The following TNS3 variants were observed in gnomAD, a reference collection of about 807,000 sequenced individuals.
TNS3 encodes tensin-3.
TNS3 carries 45 observed loss-of-function variants against 140.9 expected under a neutral mutation model. The observed-to-expected ratio is 0.32, with a 90% CI of 0.25 to 0.41. TNS3 has a LOEUF of 0.41. Ranked by LOEUF, TNS3 falls within the 10% of genes least tolerant of loss-of-function variation. TNS3 has a pLI of 1.00. For synonymous variants in TNS3, 815 were observed against 788.4 expected (o/e 1.03, Z -0.56); for missense variants, 1,716 against 1,906.7 (o/e 0.90, Z 1.86).
At chr7:47,309,464 A>T (rs1786956753) in intron 20 of TNS3, among the ~76,000 whole-genome samples, 1 of 152,196 alleles carries the variant, frequency 6.6e-6, no homozygotes, top group South Asian at 2.1e-4. Flanking sequence ...ATAGCTCAAC[A>T]AGCCGGAGGT....
chr7:47,304,873 G>A lies in TNS3; in HGVS notation c.2781C>T (p.Ser927=), dbSNP rs1270618664. 7.1e-7 allele frequency: 1 copy of A among 1,408,114 alleles called. No individual in the cohort carries two copies. Among genetic ancestry groups the A allele is most frequent in the Non-Finnish European group, 9.4e-7 (1 of 1,069,474 alleles). The allele number at this position is 1,408,114 out of a possible 1,614,324, so 87.2% of individuals were successfully genotyped here. Residue 927 remains serine, a synonymous_variant, in exon 21 of 31, where the codon TCC becomes TCT. Coordinates refer to ENST00000311160, the MANE Select transcript of TNS3 (RefSeq NM_022748.12). ...TPSFQQAFAS[S]CTISSNGPGQ... ...CAGGGCCGTTGCTGGAAATGGTGCA[G>A]GAAGAAGCAAAAGCCTGCTGAAAGG...
chr7:47,393,477 T>G (rs1006171551), intron 16 of TNS3, among the ~76,000 whole-genome samples: 2 of 152,054 alleles, frequency 1.3e-5, no homozygotes, highest in African/African-American at 4.8e-5. Context: ...AGATCCAGTT[T>G]TGGGAGAGGA....
intron 1 of TNS3, among the ~76,000 whole-genome samples, chr7:47,564,653 A>AAAAAAAAAAAAAAAAAAAAAAC (rs1800391129): frequency 7.3e-6 from 1 of 136,222 alleles, no homozygotes; most frequent in Admixed American, 7.4e-5. Flanking sequence ...AAAAAAACAA[A>AAAAAAAAAAAAAAAAAAAAAAC]AAAAAACAAA....
intron 11 of TNS3, 91 bp downstream of exon 11, chr7:47,415,002 GA>G: frequency 1.1e-6 from 1 of 945,082 alleles, no homozygotes; most frequent in Admixed American, 2.5e-5. Context: ...CTCTCGGAAG[GA>G]AAGCCGAGGC....
Position 47,567,975 on chromosome 7 carries a change from G to A in TNS3, c.-265+14076C>T, listed in dbSNP as rs546202657. ...AAACAAGAGGCTCGGGCATCCGGCT[G>A]ATTCTCCAGCCCAATGTGACATGCT... On this transcript the variant is annotated intron_variant, in intron 1 of 30. Coordinates refer to ENST00000311160, the MANE Select transcript of TNS3 (RefSeq NM_022748.12). Among the ~76,000 whole-genome samples, 4 of 152,264 alleles carry A rather than the reference G, an allele frequency of 2.6e-5. No individual in the cohort carries two copies. The South Asian group carries it at 8.3e-4, about 32-fold the overall frequency.
At chr7:47,414,975 G>C in intron 11 of TNS3, 119 bp downstream of exon 11, 6 of 711,466 alleles carry the variant, frequency 8.4e-6, no homozygotes, top group Non-Finnish European at 1.4e-5. Flanking sequence ...GGGAGGCAGA[G>C]GAGCAGATCC....
rs1794764997 is a variant in TNS3, at chr7:47,428,386, A to G, written c.325-10T>C. 7.1e-7 allele frequency: 1 copy of G among 1,408,940 alleles called. No homozygotes were observed. The highest frequency in any genetic ancestry group is 9.3e-7 in the Non-Finnish European group (1 of 1,073,886). The allele number at this position is 1,408,940 out of a possible 1,614,324, so 87.3% of individuals were successfully genotyped here. ...TGCGTCCTTTCCCGCCCTGCAGGAG[A>G]CAAAAGATCAGCTGATTTTCTCTGA... On this transcript the variant is annotated splice_polypyrimidine_tract_variant and intron_variant, in intron 8 of 30. Coordinates refer to ENST00000311160, the MANE Select transcript of TNS3 (RefSeq NM_022748.12).
chr7:47,508,548 G>C (rs988321480), intron 2 of TNS3, among the ~76,000 whole-genome samples: 4 of 152,228 alleles, frequency 2.6e-5, no homozygotes, highest in African/African-American at 9.6e-5. Context: ...GGCTGAGTGA[G>C]AGTCAGGCAA....
intron 1 of TNS3, among the ~76,000 whole-genome samples, chr7:47,543,601 C>T (rs973970869): frequency 6.6e-6 from 1 of 152,220 alleles, no homozygotes; most frequent in Non-Finnish European, 1.5e-5. Flanking sequence ...GTTACCCACT[C>T]GGGTGGAAGC....
At chr7:47,484,086 C>T (rs1797525828) in intron 3 of TNS3, among the ~76,000 whole-genome samples, 1 of 152,250 alleles carries the variant, frequency 6.6e-6, no homozygotes, top group Non-Finnish European at 1.5e-5. Flanking sequence ...TCCACATTCG[C>T]ATCCTACTGA....
chr7:47,398,776 C>T (rs1792980105), intron 15 of TNS3, among the ~76,000 whole-genome samples: 1 of 152,126 alleles, frequency 6.6e-6, no homozygotes, highest in Non-Finnish European at 1.5e-5. Flanking sequence ...ACAAGGATGC[C>T]TACCTTCACC....
chr7:47,529,866 T>C (rs1252220000), intron 1 of TNS3, among the ~76,000 whole-genome samples: 1 of 152,246 alleles, frequency 6.6e-6, no homozygotes, highest in Non-Finnish European at 1.5e-5. Context: ...GACCGTGTAT[T>C]CTATCAGTAC....
At chr7:47,322,556 A>T (rs1265153543) in intron 20 of TNS3, among the ~76,000 whole-genome samples, 1 of 151,868 alleles carries the variant, frequency 6.6e-6, no homozygotes, top group Non-Finnish European at 1.5e-5. Flanking sequence ...ACACACACAC[A>T]ATCAAAAAAA....
chr7:47,303,187 C>T lies in TNS3; in HGVS notation c.3220G>A (p.Ala1074Thr), dbSNP rs202060822. The T allele has an allele frequency of 1.6e-4, 253 of 1,613,550 alleles. 4 individuals are homozygous for T. In the Middle Eastern group the frequency reaches 5.0e-3, roughly 32 times the overall value. The change falls in exon 22 of 31, where the codon GCG becomes ACG. Residue 1074 changes from alanine to threonine, a missense_variant. Ala to Thr is a moderately conservative substitution (Grantham distance 58). Coordinates refer to ENST00000311160, the MANE Select transcript of TNS3 (RefSeq NM_022748.12). The stretch of plus-strand genomic sequence containing the variant: ...CTGTGGTGGCTGCTGTGTCCAGGCG[C>T]CACCGTGAGAAAGTTGTGGGACAGG... ...GFLSHNFLTV[A>T]PGHSSHHSPG...
chr7:47,581,746 C>G (rs1343442755), intron 1 of TNS3: 2 of 151,172 alleles, frequency 1.3e-5, no homozygotes, highest in Non-Finnish European at 2.9e-5. Flanking sequence ...AGCCCCCGCC[C>G]CCCACGCGCC....
chr7:47,566,033 T>C (rs920103115), intron 1 of TNS3, among the ~76,000 whole-genome samples: 9 of 151,898 alleles, frequency 5.9e-5, no homozygotes, highest in Non-Finnish European at 8.8e-5. Context: ...AGTATACATA[T>C]TGGAAAAAAG....
At chr7:47,522,941 G>C (rs1054688123) in intron 2 of TNS3, among the ~76,000 whole-genome samples, 1 of 114,306 alleles carries the variant, frequency 8.7e-6, no homozygotes, top group East Asian at 2.8e-4. Context: ...AAAAAAAAGA[G>C]TTTCTATTGT....
rs1338208831 is a variant in TNS3, at chr7:47,368,808, C to T, written c.1838G>A (p.Ser613Asn). 1.9e-6 allele frequency: 3 copies of T among 1,610,218 alleles called. No homozygotes were observed. Among genetic ancestry groups the T allele is most frequent in the Non-Finnish European group, 1.7e-6 (2 of 1,178,686 alleles). ...GCCAGGATTGTCTGCAGGGCAGCGGCTCACCAGCCGGGCCTCCCCATCTGG... is the reference window on the plus strand; with the variant it reads ...GCCAGGATTGTCTGCAGGGCAGCGGTTCACCAGCCGGGCCTCCCCATCTGG... ...FAPDGEARLVSRCPADNPGLV... is the reference protein window; with the variant it reads ...FAPDGEARLVNRCPADNPGLV... The change falls in exon 17 of 31, where the codon AGC (serine) becomes AAC (asparagine). Residue 613 changes from serine (S) to asparagine (N), a missense_variant. Around this residue, in one of 3 missense-constraint regions of TNS3, gnomAD observed 1,163 missense variants for 1,182.1 expected, o/e 0.98. Coordinates refer to ENST00000311160, the MANE Select transcript of TNS3 (RefSeq NM_022748.12).
chr7:47,474,658 A>C (rs1192380694), intron 4 of TNS3, among the ~76,000 whole-genome samples: 3 of 140,034 alleles, frequency 2.1e-5, no homozygotes, highest in Non-Finnish European at 3.1e-5. Context: ...AACACACACA[A>C]AAAACACCTC....
Sources: gnomAD v4.1 joint callset for allele counts (sites outside exome capture counted in the v4.1 genomes callset) on GRCh38, gnomAD v4.1.1 for gene constraint, gnomAD v4.1.1 regional missense constraint, MANE v1.5 for transcripts, NCBI Gene and HGNC (gene_info 2026-07-23, HGNC 2026-07-21) for gene names.